BUB1B: variants seen among roughly 807,000 people sequenced by gnomAD.
BUB1B encodes the protein mitotic checkpoint serine/threonine-protein kinase BUB1 beta.
Under a neutral mutation model 137.7 loss-of-function variants are expected in BUB1B, and 86 were observed. The observed-to-expected ratio is 0.62, with a 90% confidence interval of 0.52 to 0.75. The LOEUF is 0.75. Ranked by LOEUF, BUB1B falls within the 30% of genes least tolerant of loss-of-function variation. The pLI is 0.00. For synonymous variants in BUB1B, 420 were observed against 417.9 expected, an observed-to-expected ratio of 1.00 and a Z score of -0.06; for missense variants, 1,130 against 1,236.9, an observed-to-expected ratio of 0.91 and a Z score of 1.30.
intron 8 of BUB1B, among the ~76,000 whole-genome samples, chr15:40,194,127 T>C (rs2037470357): frequency 6.6e-6 from 1 of 152,200 alleles, no homozygotes; most frequent in Admixed American, 6.5e-5. Flanking sequence ...TTTTCTTTTT[T>C]CCCCTTTTTT....
intron 8 of BUB1B, among the ~76,000 whole-genome samples, chr15:40,194,326 T>G (rs1344359569): frequency 6.6e-6 from 1 of 152,234 alleles, no homozygotes; most frequent in African/African-American, 2.4e-5. Flanking sequence ...TCCTTTTCTT[T>G]GTTTCTCTTG....
In BUB1B at chr15:40,217,578, C is replaced by T; in HGVS notation, c.2761C>T (p.Gln921Ter). The stretch of plus-strand genomic sequence containing the variant: ...TTCCTACAGTGTTGACCTTAGGGTG[C>T]AGCTGGATGTTTTTACCCTCAGCGG... ...DFSYSVDLRV[Q>*]LDVFTLSGFR... The change falls in exon 21 of 23, where the codon CAG (glutamine) becomes TAG (stop). Residue 921 changes from glutamine to a stop codon, truncating the protein, a stop_gained. Coordinates refer to ENST00000287598, the MANE Select transcript of BUB1B (RefSeq NM_001211.6). LOFTEE classifies it high-confidence loss of function. 6.2e-7 allele frequency: 1 copy of T among 1,614,114 alleles called. No individual in the cohort carries two copies.
intron 4 of BUB1B, among the ~76,000 whole-genome samples, chr15:40,175,804 G>A (rs909647958): frequency 6.6e-6 from 1 of 152,184 alleles, no homozygotes; most frequent in African/African-American, 2.4e-5. Flanking sequence ...TATCTAGCCT[G>A]GACCCCTACA....
intron 5 of BUB1B, among the ~76,000 whole-genome samples, chr15:40,179,208 T>C (rs1400847049): frequency 2.6e-5 from 4 of 152,148 alleles, no homozygotes; most frequent in Non-Finnish European, 4.4e-5. Flanking sequence ...CATACTGTTT[T>C]CAAGGTTCAT....
intron 8 of BUB1B, among the ~76,000 whole-genome samples, chr15:40,188,463 C>G (rs1479769198): frequency 6.6e-6 from 1 of 152,060 alleles, no homozygotes; most frequent in African/African-American, 2.4e-5. Flanking sequence ...TGAAGAAAAT[C>G]AGCTAAAAAT....
In BUB1B at chr15:40,212,642, C is replaced by A. The variant is rs765705509; in HGVS notation, c.2529C>A (p.Thr843=). Residue 843 remains threonine, a synonymous_variant, in exon 19 of 23, where the codon ACC becomes ACA. Coordinates refer to ENST00000287598, the MANE Select transcript of BUB1B (RefSeq NM_001211.6). ...GGCACCAATATATAAACTGCTTCAC[C>A]CTTCAGGTCTGTAATACTAAAAACA... ...IVWHQYINCF[T]LQDLLQHSEY... is the part of the protein sequence containing the mutation. 1 of 1,612,930 alleles carries A rather than the reference C, an allele frequency of 6.2e-7. No homozygotes were observed. The highest frequency in any genetic ancestry group is 1.1e-5 in the South Asian group (1 of 91,020).
chr15:40,201,291 A>G (rs74011373), intron 12 of BUB1B, among the ~76,000 whole-genome samples: 22,449 of 152,256 alleles, frequency 0.15, 1,821 homozygotes, highest in African/African-American at 0.18. Context: ...TTCAGGGAAA[A>G]AAAAATTTAA....
rs759148358 is a variant in BUB1B at position 40,206,213 on chromosome 15, C to T, written c.1764C>T (p.Ser588=). ...CDEFTGIEPL[S]EDAIITGFRN... is the part of the protein sequence containing the mutation. ...AATTTACAGGAATTGAACCCTTGAGCGAGGATGCCATTATCACAGGCTTCA... is the reference window on the plus strand; with the variant it reads ...AATTTACAGGAATTGAACCCTTGAGTGAGGATGCCATTATCACAGGCTTCA... The change falls in exon 15 of 23, where the codon AGC becomes AGT. Residue 588 remains serine (S), a synonymous_variant. Transcript: ENST00000287598. 13 of 1,613,950 alleles carry T rather than the reference C, an allele frequency of 8.1e-6. No individual in the cohort carries two copies. Among genetic ancestry groups the T allele is most frequent in the South Asian group, 1.1e-5 (1 of 91,076 alleles).
chr15:40,176,483 T>G lies in BUB1B; in HGVS notation c.391T>G (p.Leu131Val), dbSNP rs946027171. 1.2e-6 allele frequency: 2 copies of G among 1,614,132 alleles called. No homozygotes were observed. The highest frequency in any genetic ancestry group is 1.7e-6 in the Non-Finnish European group (2 of 1,179,976). Residue 131 changes from leucine (L) to valine (V), a missense_variant, in exon 5 of 23, where the codon TTA becomes GTA. Leu to Val is a conservative substitution (Grantham distance 32). Coordinates refer to ENST00000287598, the MANE Select transcript of BUB1B (RefSeq NM_001211.6). ...GTTAACACTTCTGTTACAGGGGCGT[T>G]TATGCAATGAGCCTTTGGATATGTA... ...FLNLWLKLGR[L>V]CNEPLDMYSY... is the part of the protein sequence containing the mutation.
chr15:40,209,872 C>T, intron 17 of BUB1B, 97 bp downstream of exon 17: 2 of 1,495,754 alleles, frequency 1.3e-6, no homozygotes, highest in Non-Finnish European at 1.9e-6. Flanking sequence ...GTAAATATTC[C>T]TAGATTGTAT....
chr15:40,190,632 A>C (rs1030937831), intron 8 of BUB1B, among the ~76,000 whole-genome samples: 1 of 152,178 alleles, frequency 6.6e-6, no homozygotes, highest in Non-Finnish European at 1.5e-5. Context: ...AAATAAAACA[A>C]TAAAATAAAA....
intron 5 of BUB1B, among the ~76,000 whole-genome samples, chr15:40,181,311 C>T (rs1032266283): frequency 1.3e-5 from 2 of 151,266 alleles, no homozygotes; most frequent in African/African-American, 4.9e-5. Flanking sequence ...GGCTGGTCTC[C>T]AACTCCCAAT....
chr15:40,185,062 T>C, intron 6 of BUB1B, 103 bp from the exon 7 acceptor site: 1 of 929,284 alleles, frequency 1.1e-6, no homozygotes, highest in Non-Finnish European at 1.7e-6. Context: ...TCTGTTGTAG[T>C]GGAAATACTG....
chr15:40,218,343 T>G (rs2037830027), intron 21 of BUB1B, 113 bp from the exon 22 acceptor site: 1 of 779,230 alleles, frequency 1.3e-6, no homozygotes, highest in African/African-American at 1.7e-5. Context: ...AAAATGTATG[T>G]CATAAAATAA....
rs1344053838 is a variant in BUB1B at position 40,185,386 on chromosome 15, ACTCTTAGATC to A, written c.966+9_966+18del. ...CAGGTCCTTGGAACACAGGGTAAGG[ACTCTTAGATC>A]CAGTGCTTTGCTGACACAACAAAGA... On this transcript the variant is annotated splice_region_variant and intron_variant, in intron 7 of 22. Transcript: ENST00000287598. The A allele has an allele frequency of 6.2e-7, 1 of 1,613,714 alleles. No individual in the cohort carries two copies. The highest frequency in any genetic ancestry group is 1.3e-5 in the African/African-American group (1 of 74,998).
chr15:40,208,443 CAG>C (rs2037664490), intron 15 of BUB1B, among the ~76,000 whole-genome samples, 192 bp from the exon 16 acceptor site: 1 of 151,820 alleles, frequency 6.6e-6, no homozygotes, highest in Non-Finnish European at 1.5e-5. Flanking sequence ...GAGGCTGAGA[CAG>C]GAGAATCACT....
In BUB1B at chr15:40,188,377, A is replaced by G. The variant is rs111828831; in HGVS notation, c.1058+2735A>G. ...TTTTATTTTAAATTCTTTTCCATGGATGTTTTATTTGACCTCTCCACACAT... is the reference window on the plus strand; with the variant it reads ...TTTTATTTTAAATTCTTTTCCATGGGTGTTTTATTTGACCTCTCCACACAT... On this transcript the variant is annotated intron_variant, in intron 8 of 22. Transcript: ENST00000287598. 6.1e-3 allele frequency among the ~76,000 whole-genome samples: 926 copies of G among 151,568 alleles called. 8 individuals carry two copies. Among genetic ancestry groups the G allele is most frequent in the African/African-American group, 0.021 (886 of 41,304 alleles).
chr15:40,164,277 G>A (rs1456411770), intron 1 of BUB1B, among the ~76,000 whole-genome samples: 2 of 151,874 alleles, frequency 1.3e-5, no homozygotes, highest in African/African-American at 4.8e-5. Flanking sequence ...TGCCCAGGCT[G>A]CAGTGCAGTG....
In BUB1B at chr15:40,170,582, G is replaced by C; in HGVS notation, c.285G>C (p.Glu95Asp). 6.2e-7 allele frequency: 1 copy of C among 1,613,196 alleles called. No homozygotes were observed. The highest frequency in any genetic ancestry group is 8.5e-7 in the Non-Finnish European group (1 of 1,179,194). Residue 95 changes from glutamate (E) to aspartate (D), a missense_variant, in exon 4 of 23, where the codon GAG (glutamate) becomes GAC (aspartate). By Grantham distance (45) the Glu-to-Asp change is conservative (BLOSUM62 2). Transcript: ENST00000287598. ...AGAACTATCCTCAAGGTGGGAAGGA[G>C]AGTAATATGTCAACGTTATTAGAAA... is the stretch of plus-strand genomic sequence containing the variant. ...TEQNYPQGGK[E>D]SNMSTLLERA...
Sources: gnomAD v4.1 joint callset for allele counts (sites outside exome capture counted in the v4.1 genomes callset) on GRCh38, gnomAD v4.1.1 for gene constraint, MANE v1.5 for transcripts, NCBI Gene and HGNC (gene_info 2026-07-23, HGNC 2026-07-21) for gene names.